Variants in ZNF385D observed in about 807,000 individuals in gnomAD.
The protein encoded by ZNF385D is zinc finger protein 659.
A neutral mutation model predicts 35.8 loss-of-function variants in ZNF385D; 15 were observed. The observed-to-expected ratio is 0.42, with a 90% confidence interval of 0.28 to 0.64. ZNF385D has a LOEUF of 0.64. Among genes scored for constraint, ZNF385D ranks in the 30% least tolerant of loss-of-function variants. The pLI is 0.23. For synonymous variants in ZNF385D, 212 were observed against 186.8 expected (o/e 1.13, Z -1.10); for missense variants, 474 against 494.6 (o/e 0.96, Z 0.39).
chr3:21,743,028 C>T (rs56411863), intron 1 of ZNF385D, among the ~76,000 whole-genome samples: 22 of 152,078 alleles, frequency 1.4e-4, no homozygotes, highest in Admixed American at 1.2e-3. Context: ...CAAATAGAAC[C>T]GTGAGAAACA....
At chr3:21,711,143 G>A (rs900183948) in intron 1 of ZNF385D, among the ~76,000 whole-genome samples, 2 of 137,894 alleles carry the variant, frequency 1.5e-5, no homozygotes, top group African/African-American at 5.4e-5. Flanking sequence ...CCGTGTTCAC[G>A]CCATTCTCCT....
chr3:21,861,009 C>A (rs1307788499), intron 3 of ZNF385D, among the ~76,000 whole-genome samples: 1 of 152,094 alleles, frequency 6.6e-6, no homozygotes, highest in South Asian at 2.1e-4. Flanking sequence ...GATTAAGTTA[C>A]CTCTATACCT....
chr3:21,963,587 A>G (rs968569922), intron 3 of ZNF385D, among the ~76,000 whole-genome samples: 2 of 152,162 alleles, frequency 1.3e-5, no homozygotes, highest in African/African-American at 4.8e-5. Context: ...TGTAAGAACA[A>G]GTTGTTTCAT....
chr3:22,371,912 T>A (rs1344394936), intron 2 of ZNF385D, among the ~76,000 whole-genome samples: 3 of 152,200 alleles, frequency 2.0e-5, no homozygotes, highest in South Asian at 2.1e-4. Flanking sequence ...CAGGTTTTTT[T>A]AAGTATTTGT....
chr3:22,092,268 G>A (rs1701372703), intron 3 of ZNF385D, among the ~76,000 whole-genome samples: 1 of 152,110 alleles, frequency 6.6e-6, no homozygotes. Flanking sequence ...AGCTACTAAG[G>A]GGGAAATTGA....
intron 3 of ZNF385D, among the ~76,000 whole-genome samples, chr3:22,089,717 C>G (rs935950929): frequency 1.3e-5 from 2 of 152,154 alleles, no homozygotes; most frequent in Non-Finnish European, 2.9e-5. Flanking sequence ...TTTGAGCATG[C>G]TATCTCAGCC....
intron 4 of ZNF385D, among the ~76,000 whole-genome samples, chr3:21,464,934 A>T (rs183085139): frequency 1.2e-3 from 176 of 152,278 alleles, no homozygotes; most frequent in Non-Finnish European, 1.9e-3. Flanking sequence ...GTGGGGGTGC[A>T]GACAGAGGAA....
At chr3:21,426,560 T>C (rs1252822825) in intron 5 of ZNF385D, among the ~76,000 whole-genome samples, 2 of 152,232 alleles carry the variant, frequency 1.3e-5, no homozygotes, top group East Asian at 1.9e-4. Flanking sequence ...TTCATTTTTT[T>C]CACTTGGTCA....
chr3:22,280,370 T>G (rs1431972638), intron 2 of ZNF385D, among the ~76,000 whole-genome samples: 79 of 152,080 alleles, frequency 5.2e-4, no homozygotes, highest in Admixed American at 5.1e-3. Context: ...AGAAGGGTTT[T>G]TTTTTTTTTT....
chr3:21,734,131 C>G, intron 1 of ZNF385D, among the ~76,000 whole-genome samples: 1 of 152,076 alleles, frequency 6.6e-6, no homozygotes. Context: ...ATTTTGAATG[C>G]AATTGCATTA....
intron 3 of ZNF385D, among the ~76,000 whole-genome samples, chr3:22,085,787 T>A (rs1406236701): frequency 6.6e-6 from 1 of 152,124 alleles, no homozygotes; most frequent in Non-Finnish European, 1.5e-5. Context: ...CTGATGAACA[T>A]CAATGCAAAA....
At chr3:21,596,972 T>C (rs1221827880) in intron 2 of ZNF385D, among the ~76,000 whole-genome samples, 1 of 152,146 alleles carries the variant, frequency 6.6e-6, no homozygotes, top group African/African-American at 2.4e-5. Context: ...AGAATGCATC[T>C]GTCTGCTAAT....
At chr3:21,554,647 A>G (rs528486852) in intron 3 of ZNF385D, among the ~76,000 whole-genome samples, 1 of 152,276 alleles carries the variant, frequency 6.6e-6, no homozygotes, top group African/African-American at 2.4e-5. Context: ...TTCCAATAGA[A>G]TGCTCTTTGG....
At chr3:22,104,230 C>A (rs1702089106) in intron 3 of ZNF385D, among the ~76,000 whole-genome samples, 1 of 152,108 alleles carries the variant, frequency 6.6e-6, no homozygotes, top group Non-Finnish European at 1.5e-5. Flanking sequence ...AACCTTCTCT[C>A]CTCCTACATA....
chr3:22,335,812 A>T (rs914228521), intron 2 of ZNF385D, among the ~76,000 whole-genome samples: 18 of 152,272 alleles, frequency 1.2e-4, no homozygotes, highest in African/African-American at 4.1e-4. Flanking sequence ...ATTAATTTTA[A>T]AATATTAATT....
At chr3:21,715,901 A>T (rs537754851) in intron 1 of ZNF385D, among the ~76,000 whole-genome samples, 1 of 152,290 alleles carries the variant, frequency 6.6e-6, no homozygotes, top group African/African-American at 2.4e-5. Context: ...TAGGTATTTT[A>T]AAAGCCTTGC....
At chr3:21,645,975 A>G (rs185641745) in intron 2 of ZNF385D, among the ~76,000 whole-genome samples, 26 of 152,240 alleles carry the variant, frequency 1.7e-4, no homozygotes, top group Middle Eastern at 3.4e-3. Context: ...AAATGCAGCA[A>G]ATTCCAAGAA....
intron 2 of ZNF385D, among the ~76,000 whole-genome samples, chr3:22,266,066 A>G (rs759999598): frequency 7.9e-5 from 12 of 151,950 alleles, no homozygotes; most frequent in Non-Finnish European, 1.2e-4. Flanking sequence ...GATTTACTCA[A>G]ATGACTCCTA....
chr3:22,222,947 C>T (rs1366086409), intron 2 of ZNF385D, among the ~76,000 whole-genome samples: 2 of 151,968 alleles, frequency 1.3e-5, no homozygotes, highest in Non-Finnish European at 2.9e-5. Context: ...TTTTGTGTGG[C>T]TTTGTTTAGT....
Sources: allele counts gnomAD v4.1 joint callset (sites outside exome capture counted in the v4.1 genomes callset), GRCh38; gene constraint gnomAD v4.1.1; transcripts MANE v1.5; gene names NCBI Gene and HGNC (gene_info 2026-07-23, HGNC 2026-07-21).